FTO: variants seen among roughly 807,000 people sequenced by gnomAD.
FTO encodes the protein FTO alpha-ketoglutarate dependent dioxygenase.
A neutral mutation model predicts 63.9 loss-of-function variants in FTO; 47 were observed. The ratio of observed to expected loss-of-function variants is 0.74; its 90% CI spans 0.58 to 0.94. The LOEUF is 0.94. Ranked by LOEUF, FTO falls within the 40% of genes least tolerant of loss-of-function variation. The pLI, the probability that FTO is intolerant of heterozygous loss-of-function variation, is 0.00. For synonymous variants in FTO, 207 were observed against 224.4 expected (o/e 0.92, Z 0.69); for missense variants, 562 against 618.1 (o/e 0.91, Z 0.96).
chr16:53,957,523 A>C (rs576651582), intron 8 of FTO, among the ~76,000 whole-genome samples: 2 of 152,312 alleles, frequency 1.3e-5, no homozygotes, highest in East Asian at 3.9e-4. Flanking sequence ...CTGTGACCCT[A>C]CTGCTGGCAT....
chr16:53,958,013 T>C (rs890794068), intron 8 of FTO, among the ~76,000 whole-genome samples: 1 of 152,216 alleles, frequency 6.6e-6, no homozygotes, highest in African/African-American at 2.4e-5. Flanking sequence ...TGAATTATAT[T>C]ATTTATAGTG....
intron 8 of FTO, among the ~76,000 whole-genome samples, chr16:54,022,823 A>G (rs1253286444): frequency 6.6e-6 from 1 of 152,258 alleles, no homozygotes; most frequent in Non-Finnish European, 1.5e-5. Flanking sequence ...TGCAGTTTGC[A>G]ACTTACAGTA....
intron 7 of FTO, among the ~76,000 whole-genome samples, chr16:53,910,100 T>C (rs1221347467): frequency 1.3e-5 from 2 of 152,150 alleles, no homozygotes; most frequent in Non-Finnish European, 2.9e-5. Flanking sequence ...GTTCCCCAGG[T>C]TGGGACGGAG....
At chr16:53,732,356 T>C (rs2076293121) in intron 1 of FTO, among the ~76,000 whole-genome samples, 2 of 152,186 alleles carry the variant, frequency 1.3e-5, no homozygotes, top group Admixed American at 6.5e-5. Context: ...TGGCCCATTG[T>C]GGTCTTCTTA....
intron 8 of FTO, among the ~76,000 whole-genome samples, chr16:53,947,708 C>G (rs966859792): frequency 1.8e-4 from 27 of 152,200 alleles, no homozygotes; most frequent in Non-Finnish European, 3.4e-4. Flanking sequence ...TTTCCTCACA[C>G]GAAGTCTAAG....
At chr16:53,854,443 C>T (rs761192945) in intron 4 of FTO, among the ~76,000 whole-genome samples, 4 of 152,248 alleles carry the variant, frequency 2.6e-5, no homozygotes, top group African/African-American at 4.8e-5. Context: ...AGATTTAAGT[C>T]TTTAATCCAT....
intron 8 of FTO, among the ~76,000 whole-genome samples, chr16:53,999,048 C>G (rs1334733097): frequency 1.3e-5 from 2 of 152,126 alleles, no homozygotes; most frequent in South Asian, 2.1e-4. Context: ...ATTTTAAACT[C>G]TAAATGCTGG....
chr16:54,054,226 G>A (rs1408116071), intron 8 of FTO, among the ~76,000 whole-genome samples: 1 of 152,082 alleles, frequency 6.6e-6, no homozygotes, highest in Non-Finnish European at 1.5e-5. Context: ...CTCCTTCCAT[G>A]AACTGCTAGC....
intron 8 of FTO, among the ~76,000 whole-genome samples, chr16:53,935,092 T>G (rs995790567): frequency 2.0e-5 from 3 of 152,198 alleles, no homozygotes; most frequent in African/African-American, 7.2e-5. Context: ...CTCGCAAATG[T>G]TAGGATTATC....
intron 1 of FTO, among the ~76,000 whole-genome samples, chr16:53,798,805 G>C (rs751704807): frequency 1.7e-4 from 26 of 152,162 alleles, no homozygotes; most frequent in Non-Finnish European, 3.1e-4. Flanking sequence ...TGGCATAGAG[G>C]GGGTGATGGG....
intron 7 of FTO, among the ~76,000 whole-genome samples, chr16:53,905,177 C>T (rs1476142018): frequency 1.3e-5 from 2 of 152,030 alleles, no homozygotes; most frequent in South Asian, 2.1e-4. Context: ...GCATCTGTTG[C>T]TGGCTGTATG....
At chr16:53,841,550 A>G (rs1341125417) in intron 3 of FTO, among the ~76,000 whole-genome samples, 1 of 152,288 alleles carries the variant, frequency 6.6e-6, no homozygotes, top group Non-Finnish European at 1.5e-5. Context: ...CCTTGCAGAG[A>G]CCATGAACTT....
At chr16:53,819,319 G>A in intron 2 of FTO, among the ~76,000 whole-genome samples, 1 of 152,132 alleles carries the variant, frequency 6.6e-6, no homozygotes, top group African/African-American at 2.4e-5. Flanking sequence ...ACAGGTGCAT[G>A]CCACCACACC....
intron 8 of FTO, among the ~76,000 whole-genome samples, chr16:53,985,871 T>C (rs746085675): frequency 6.6e-6 from 1 of 152,256 alleles, no homozygotes; most frequent in Non-Finnish European, 1.5e-5. Context: ...TCCTGCCATA[T>C]CTTTGATAAG....
rs1456042193 is a variant in FTO at position 54,119,109 on chromosome 16, C to G, written c.*7194C>G. On this transcript the variant is annotated 3_prime_UTR_variant, in exon 9 of 9. Transcript: ENST00000471389. ...GTCTCAATGAATCATGTTAAGGCCT[C>G]TTTAGGTTTTTCAGACTCCATGCAC... The G allele has an allele frequency of 6.6e-6, 1 of 152,156 alleles. No homozygotes were observed. Among genetic ancestry groups the G allele is most frequent in the African/African-American group, 2.4e-5 (1 of 41,422 alleles). The allele number at this position is 152,156 out of a possible 1,614,324, so 9.4% of individuals were successfully genotyped here. A position where few individuals can be genotyped will look rare whatever the true frequency, so the allele number is the denominator to read the frequency against.
intron 1 of FTO, among the ~76,000 whole-genome samples, chr16:53,752,003 A>C (rs528457398): frequency 1.3e-5 from 2 of 152,344 alleles, no homozygotes; most frequent in South Asian, 4.1e-4. Context: ...TTCTACTTAC[A>C]TGAATTTGCT....
At chr16:53,849,023 A>G (rs2079712289) in intron 4 of FTO, among the ~76,000 whole-genome samples, 1 of 152,222 alleles carries the variant, frequency 6.6e-6, no homozygotes. Flanking sequence ...GCCAGGTAAA[A>G]ATTCCACTGC....
chr16:53,980,870 T>C (rs1212616816), intron 8 of FTO, among the ~76,000 whole-genome samples: 2 of 152,196 alleles, frequency 1.3e-5, no homozygotes, highest in Admixed American at 6.5e-5. Context: ...CAGGATTAGA[T>C]GCAAAAACCA....
chr16:53,839,908 G>A (rs1173120328), intron 3 of FTO, among the ~76,000 whole-genome samples: 4 of 151,594 alleles, frequency 2.6e-5, no homozygotes, highest in Admixed American at 1.3e-4. Flanking sequence ...GGATTCAAGC[G>A]ATTCTCCTGC....
Sources: gnomAD v4.1 joint callset for allele counts (sites outside exome capture counted in the v4.1 genomes callset) on GRCh38, gnomAD v4.1.1 for gene constraint, MANE v1.5 for transcripts, NCBI Gene and HGNC (gene_info 2026-07-23, HGNC 2026-07-21) for gene names.